NHERF2: variants seen among roughly 807,000 people sequenced by gnomAD.
NHERF2 encodes the protein NHERF family PDZ scaffold protein 2.
At chr16:2,028,375 T>G in the NHERF2 span, among the ~76,000 whole-genome samples, 1 of 152,196 alleles carries the variant, frequency 6.6e-6, no homozygotes, top group Non-Finnish European at 1.5e-5. Flanking sequence ...CTGCCAGGGC[T>G]GGGGCCAGGC....
chr16:2,036,007 T>G, the NHERF2 span: 2 of 354,598 alleles, frequency 5.6e-6, no homozygotes, highest in East Asian at 4.9e-5. Flanking sequence ...ACGGCGACAG[T>G]TCATCCCACC....
At chr16:2,035,635 T>A in the NHERF2 span, 2 of 986,246 alleles carry the variant, frequency 2.0e-6, no homozygotes, top group Non-Finnish European at 2.4e-6. Context: ...AGGTGGTCAT[T>A]GGGCCTGGCC....
At chr16:2,035,727 G>A in the NHERF2 span, 4 of 971,360 alleles carry the variant, frequency 4.1e-6, no homozygotes, top group Non-Finnish European at 4.9e-6. Flanking sequence ...TGGTAGCGGG[G>A]GGTCCTTCCG....
At chr16:2,037,909 T>A in the NHERF2 span, 1 of 1,611,490 alleles carries the variant, frequency 6.2e-7, no homozygotes, top group Non-Finnish European at 8.5e-7. Flanking sequence ...AGGAGAAGGC[T>A]CGAGCCATGC....
chr16:2,031,152 T>C, the NHERF2 span, among the ~76,000 whole-genome samples: 3 of 152,156 alleles, frequency 2.0e-5, no homozygotes, highest in African/African-American at 7.2e-5. Context: ...GGGAGCGGCT[T>C]GGCAGGGAGA....
At chr16:2,036,213 T>G in the NHERF2 span, 1 of 1,150,084 alleles carries the variant, frequency 8.7e-7, no homozygotes, top group African/African-American at 1.6e-5. Context: ...GACCTGGGCC[T>G]GCCCGTGGGG....
the NHERF2 span, chr16:2,027,266 G>A: frequency 1.4e-5 from 16 of 1,179,530 alleles, no homozygotes; most frequent in Non-Finnish European, 1.7e-5. Flanking sequence ...CCCCGAGCGC[G>A]TCCCCCTGGG....
chr16:2,032,970 C>A, the NHERF2 span: 1 of 1,103,916 alleles, frequency 9.1e-7, no homozygotes, highest in Non-Finnish European at 1.1e-6. The surrounding 1 kb of genome is among the most constrained non-coding windows in gnomAD (Gnocchi z 4.0). Flanking sequence ...GGGCGCGGTG[C>A]CTGCGGGGGC....
chr16:2,038,955 C>G, the NHERF2 span: 5 of 152,770 alleles, frequency 3.3e-5, no homozygotes, highest in African/African-American at 9.6e-5. Flanking sequence ...GACCACCGAT[C>G]GACCGGCACC....
chr16:2,037,451 T>C, the NHERF2 span: 1 of 1,053,966 alleles, frequency 9.5e-7, no homozygotes, highest in East Asian at 3.4e-5. Flanking sequence ...GAGCACACAC[T>C]GGGGGGGGGT....
At chr16:2,026,980 C>T in the NHERF2 span, 213 of 1,015,486 alleles carry the variant, frequency 2.1e-4, 2 homozygotes, top group African/African-American at 3.2e-3. Context: ...CCCCTGCCCG[C>T]GGGCGGCCGG....
At chr16:2,028,587 A>G in the NHERF2 span, among the ~76,000 whole-genome samples, 2 of 152,172 alleles carry the variant, frequency 1.3e-5, no homozygotes, top group South Asian at 2.1e-4. Flanking sequence ...TCTGGGACAC[A>G]TAGTCAAGAA....
At chr16:2,027,819 C>T in the NHERF2 span, among the ~76,000 whole-genome samples, 2 of 152,210 alleles carry the variant, frequency 1.3e-5, no homozygotes, top group African/African-American at 2.4e-5. Flanking sequence ...GTACTCATCA[C>T]TGTCTGCAGG....
chr16:2,031,234 T>G, the NHERF2 span, among the ~76,000 whole-genome samples: 1 of 152,190 alleles, frequency 6.6e-6, no homozygotes, highest in South Asian at 2.1e-4. Flanking sequence ...GTTTTGTTCC[T>G]GGGGCTTGAG....
the NHERF2 span, chr16:2,029,420 C>G: frequency 1.7e-5 from 11 of 648,796 alleles, no homozygotes; most frequent in Non-Finnish European, 2.7e-5. Flanking sequence ...CCGCTGGAGT[C>G]CGGGGGTGGG....
the NHERF2 span, chr16:2,033,417 C>G: frequency 1.8e-5 from 27 of 1,533,418 alleles, no homozygotes; most frequent in Non-Finnish European, 2.4e-5. Context: ...GGAGCCCACC[C>G]CAGAGGCTGG....
At chr16:2,037,818 C>T in the NHERF2 span, 66 of 1,580,844 alleles carry the variant, frequency 4.2e-5, no homozygotes, top group African/African-American at 8.0e-4. Flanking sequence ...CCACCGTGCT[C>T]ACCCCAGGAT....
the NHERF2 span, among the ~76,000 whole-genome samples, chr16:2,027,402 G>A: frequency 6.6e-6 from 1 of 152,232 alleles, no homozygotes; most frequent in Admixed American, 6.5e-5. Context: ...CGGGGGTGGG[G>A]GGGGGCATCC....
At chr16:2,032,669 G>A in the NHERF2 span, 1 of 256,168 alleles carries the variant, frequency 3.9e-6, no homozygotes, top group Non-Finnish European at 6.1e-6. This position sits in a 1 kb window ranked among gnomAD's most constrained non-coding sequence, Gnocchi z 4.0. Context: ...TGATGTGGTT[G>A]GCCCCTCCTT....
Sources: gnomAD v4.1 joint callset for allele counts (sites outside exome capture counted in the v4.1 genomes callset) on GRCh38, gnomAD v4.1.1 for gene constraint, Gnocchi (gnomAD v3.1) non-coding constraint, MANE v1.5 for transcripts, NCBI Gene and HGNC (gene_info 2026-07-23, HGNC 2026-07-21) for gene names.